ARHGAP25: variants seen among roughly 807,000 people sequenced by gnomAD.
ARHGAP25 encodes rho GTPase-activating protein 25.
A neutral mutation model predicts 71.0 loss-of-function variants in ARHGAP25; 34 were observed. That is an observed-to-expected ratio of 0.48 (90% CI 0.36 to 0.64). The LOEUF is 0.64. Among genes scored for constraint, ARHGAP25 ranks in the 30% least tolerant of loss-of-function variants. The pLI is 0.00. For missense variants in ARHGAP25, 706 were observed against 805.1 expected (o/e 0.88, Z 1.49); for synonymous variants, 282 against 296.5 (o/e 0.95, Z 0.50).
intron 3 of ARHGAP25, among the ~76,000 whole-genome samples, chr2:68,782,537 T>C (rs1302258304): frequency 6.6e-6 from 1 of 152,180 alleles, no homozygotes; most frequent in African/African-American, 2.4e-5. Context: ...AAGAAGTAGG[T>C]GAGCATTTTG....
chr2:68,744,775 ATG>A (rs1473875763), intron 1 of ARHGAP25, among the ~76,000 whole-genome samples: 1 of 152,210 alleles, frequency 6.6e-6, no homozygotes, highest in Admixed American at 6.5e-5. Flanking sequence ...CCCGCGGACA[ATG>A]CAGTTGCATT....
At position 68,775,277 on chromosome 2, in the gene ARHGAP25, A is replaced by AC. The variant is rs777061882; in HGVS notation, c.123dup (p.Asn42GlnfsTer40). The AC allele has an allele frequency of 6.2e-7, 1 of 1,614,004 alleles. No homozygotes were observed. The highest frequency in any genetic ancestry group is 8.5e-7 in the Non-Finnish European group (1 of 1,179,976). On this transcript the variant is annotated frameshift_variant, in exon 2 of 11. Transcript: ENST00000409202. LOFTEE classifies it high-confidence loss of function. ...GATGGCTGCCTTCCATCCATCGTCC[A>AC]CCCCCAACCCGCTGGAGAGGCCCAT... is the stretch of plus-strand genomic sequence containing the variant.
chr2:68,814,954 GTGAA>G (rs1277929005), intron 6 of ARHGAP25, among the ~76,000 whole-genome samples: 2 of 152,196 alleles, frequency 1.3e-5, no homozygotes, highest in Admixed American at 6.5e-5. Flanking sequence ...GCTCACCATT[GTGAA>G]AGTAATAAAA....
At chr2:68,755,775 T>TA (rs1573444908) in intron 1 of ARHGAP25, among the ~76,000 whole-genome samples, 1 of 152,246 alleles carries the variant, frequency 6.6e-6, no homozygotes, top group Admixed American at 6.5e-5. Context: ...ATGGTTGAGT[T>TA]AAAAAGTTGA....
intron 3 of ARHGAP25, among the ~76,000 whole-genome samples, chr2:68,784,159 C>T (rs561969192): frequency 2.1e-3 from 323 of 151,918 alleles, no homozygotes; most frequent in African/African-American, 7.1e-3. Flanking sequence ...CTCTCTCTTT[C>T]GCTCTCTCTC....
chr2:68,763,152 A>G (rs1355414126), intron 1 of ARHGAP25, among the ~76,000 whole-genome samples: 2 of 152,212 alleles, frequency 1.3e-5, no homozygotes, highest in Non-Finnish European at 2.9e-5. Flanking sequence ...GCTTTTTTGT[A>G]TTTGATCATC....
intron 4 of ARHGAP25, among the ~76,000 whole-genome samples, chr2:68,800,549 G>A (rs1479758948): frequency 1.3e-5 from 2 of 151,964 alleles, no homozygotes; most frequent in Non-Finnish European, 2.9e-5. Flanking sequence ...GGGGAGGTGG[G>A]GCTGGCATGG....
chr2:68,711,642 T>C (rs1280876301), intron 2 of ARHGAP25, among the ~76,000 whole-genome samples: 1 of 152,072 alleles, frequency 6.6e-6, no homozygotes, highest in Non-Finnish European at 1.5e-5. Flanking sequence ...CTACATTAGG[T>C]ATTTCTCCGA....
chr2:68,825,278 T>C (rs899448069), intron 10 of ARHGAP25, among the ~76,000 whole-genome samples: 4 of 152,268 alleles, frequency 2.6e-5, no homozygotes, highest in African/African-American at 9.6e-5. Context: ...GAGGAGGCAC[T>C]CATGAGCACA....
At chr2:68,821,621 C>T (rs1285804466) in intron 9 of ARHGAP25, among the ~76,000 whole-genome samples, 1 of 152,184 alleles carries the variant, frequency 6.6e-6, no homozygotes, top group African/African-American at 2.4e-5. Flanking sequence ...ACAGTTTCAC[C>T]AACAGAGTTT....
chr2:68,719,328 C>T (rs555157446), intron 2 of ARHGAP25, among the ~76,000 whole-genome samples: 1 of 151,460 alleles, frequency 6.6e-6, no homozygotes, highest in South Asian at 2.1e-4. Context: ...AAGACTGCGC[C>T]CTTCGTCTGT....
At chr2:68,805,555 G>T (rs1680300171) in intron 4 of ARHGAP25, among the ~76,000 whole-genome samples, 1 of 152,030 alleles carries the variant, frequency 6.6e-6, no homozygotes, top group Non-Finnish European at 1.5e-5. Flanking sequence ...GATGAGTACT[G>T]AAAACCAAGA....
rs147036006 is a variant in ARHGAP25 at position 68,816,188 on chromosome 2, T to C, written c.808-101T>C. 1,964 of 972,188 alleles carry C rather than the reference T, an allele frequency of 2.0e-3. 19 individuals carry two copies. The African/African-American group carries it at 0.027, about 13-fold the overall frequency. 60.2% of individuals were successfully genotyped at this position (972,188 alleles called of 1,614,324 possible). On this transcript the variant is annotated intron_variant, in intron 6 of 10. Coordinates refer to ENST00000409202, the MANE Select transcript of ARHGAP25 (RefSeq NM_001007231.3). ...AACAGGAATGACTGCCAAAGTGTTG[T>C]TTCTGCACAGATACACCAATTCTGT... is the stretch of plus-strand genomic sequence containing the variant.
chr2:68,821,088 C>CT (rs1185006380), intron 9 of ARHGAP25, among the ~76,000 whole-genome samples: 1 of 108,588 alleles, frequency 9.2e-6, no homozygotes, highest in African/African-American at 3.6e-5. Context: ...TTTTCTTTTT[C>CT]TTTCTTTTTT....
chr2:68,810,606 C>A (rs375473250), intron 5 of ARHGAP25, among the ~76,000 whole-genome samples: 1 of 152,072 alleles, frequency 6.6e-6, no homozygotes, highest in African/African-American at 2.4e-5. Flanking sequence ...TAATCCCTTT[C>A]TCTTTTCTAA....
upstream of ARHGAP25, among the ~76,000 whole-genome samples, chr2:68,730,945 C>T (rs1456003128): frequency 6.6e-6 from 1 of 152,206 alleles, no homozygotes; most frequent in Non-Finnish European, 1.5e-5. Flanking sequence ...CCATTTCCTG[C>T]TCCCACTTTA....
At chr2:68,759,347 A>G (rs1222553108) in intron 1 of ARHGAP25, among the ~76,000 whole-genome samples, 2 of 151,692 alleles carry the variant, frequency 1.3e-5, no homozygotes, top group Non-Finnish European at 3.0e-5. Context: ...TAGATGGATA[A>G]TGAAAAAAAA....
At chr2:68,793,733 G>T (rs1679352229) in intron 4 of ARHGAP25, among the ~76,000 whole-genome samples, 1 of 151,948 alleles carries the variant, frequency 6.6e-6, no homozygotes, top group African/African-American at 2.4e-5. Context: ...TGTTCTTTTT[G>T]CTTAGGGTTT....
chr2:68,775,124 T>G (rs1677783129), intron 1 of ARHGAP25, 97 bp from the exon 2 acceptor site: 1 of 1,604,058 alleles, frequency 6.2e-7, no homozygotes, highest in Admixed American at 1.7e-5. Context: ...TCCCCCCGCT[T>G]CTCAGCCCCC....
Sources: allele counts gnomAD v4.1 joint callset (sites outside exome capture counted in the v4.1 genomes callset), GRCh38; gene constraint gnomAD v4.1.1; transcripts MANE v1.5; gene names NCBI Gene and HGNC (gene_info 2026-07-23, HGNC 2026-07-21).